The following AHRR variants were observed in gnomAD, a reference collection of about 807,000 sequenced individuals.
AHRR encodes the protein ahR repressor.
AHRR carries 28 observed loss-of-function variants against 44.0 expected under a neutral mutation model. The observed-to-expected ratio is 0.64, with a 90% CI of 0.47 to 0.87. The LOEUF (loss-of-function observed/expected upper bound fraction) is 0.87. Ranked by LOEUF, AHRR falls within the 40% of genes least tolerant of loss-of-function variation. The pLI is 0.00. For synonymous variants in AHRR, 434 were observed against 407.0 expected (o/e 1.07, Z -0.80); for missense variants, 990 against 953.9 (o/e 1.04, Z -0.50).
intron 5 of AHRR, among the ~76,000 whole-genome samples, chr5:415,860 C>A (rs1300363048): frequency 1.3e-5 from 2 of 152,210 alleles, no homozygotes; most frequent in Admixed American, 1.3e-4. Flanking sequence ...TCCATAAGAG[C>A]TGGGCTTTTG....
chr5:407,290 G>A lies in AHRR; in HGVS notation c.352-6054G>A, dbSNP rs573909478. On this transcript the variant is annotated intron_variant, in intron 4 of 10. Transcript: ENST00000684583. The stretch of plus-strand genomic sequence containing the variant: ...AGGCATCTTTAGGATGTTGACTCAT[G>A]CAAGACTGAGGTGTGTCTTCCTATT... Among the ~76,000 whole-genome samples, 3 of 152,318 alleles carry A rather than the reference G, an allele frequency of 2.0e-5. 1 individual carries two copies. Among genetic ancestry groups the A allele is most frequent in the African/African-American group, 7.2e-5 (3 of 41,574 alleles).
intron 4 of AHRR, among the ~76,000 whole-genome samples, chr5:381,506 CTTTTTTTTTTT>C (rs781159124): frequency 3.5e-3 from 164 of 46,908 alleles, no homozygotes; most frequent in Admixed American, 0.011. Flanking sequence ...CTTAGGTTTG[CTTTTTTTTTTT>C]TTTTTTTTTT....
Position 427,779 on chromosome 5 carries a change from G to A in AHRR, c.709-28G>A, listed in dbSNP as rs377503046. 1.7e-4 allele frequency: 277 copies of A among 1,612,508 alleles called. 1 individual carries two copies. In the African/African-American group the frequency reaches 2.8e-3, roughly 16 times the overall value. On this transcript the variant is annotated intron_variant, in intron 7 of 10. Transcript: ENST00000684583. ...CCTTGCCAGGCCACTTGGTGAACAC[G>A]CCTTCCTCTCTGTCTTTAAAACACC...
At chr5:400,317 G>A (rs576019481) in intron 4 of AHRR, among the ~76,000 whole-genome samples, 1 of 152,314 alleles carries the variant, frequency 6.6e-6, no homozygotes, top group African/African-American at 2.4e-5. Flanking sequence ...GGCTTTCTCA[G>A]AACGTTTGCC....
At position 388,547 on chromosome 5, in the gene AHRR, T is replaced by C. The variant is rs1296132278; in HGVS notation, c.351+11831T>C. 6.6e-6 allele frequency among the ~76,000 whole-genome samples: 1 copy of C among 152,170 alleles called. No homozygotes were observed. Among genetic ancestry groups the C allele is most frequent in the Non-Finnish European group, 1.5e-5 (1 of 68,020 alleles). ...GGGGTTTGGACACCCGGCAGGTCTC[T>C]TCCAAACCAGGGCGTCTGCGGTGGC... On this transcript the variant is annotated intron_variant, in intron 4 of 10. Coordinates refer to ENST00000684583, the MANE Select transcript of AHRR (RefSeq NM_001377236.1). The surrounding 1 kb of genome is among the most constrained non-coding windows in gnomAD (Gnocchi z 5.2).
chr5:376,534 C>A (rs1733675151), intron 3 of AHRR, 76 bp from the exon 4 acceptor site: 12 of 1,464,502 alleles, frequency 8.2e-6, no homozygotes, highest in South Asian at 1.4e-5. Flanking sequence ...CGGGGAAACA[C>A]AGGAAAGATG....
Position 406,678 on chromosome 5 carries a change from G to A in AHRR, c.352-6666G>A, listed in dbSNP as rs932521555. Among the ~76,000 whole-genome samples the A allele has an allele frequency of 2.6e-5, 4 of 152,178 alleles. No homozygotes were observed. Among genetic ancestry groups the A allele is most frequent in the African/African-American group, 9.7e-5 (4 of 41,442 alleles). On this transcript the variant is annotated intron_variant, in intron 4 of 10. Coordinates refer to ENST00000684583, the MANE Select transcript of AHRR (RefSeq NM_001377236.1). The surrounding 1 kb of genome is among the most constrained non-coding windows in gnomAD (Gnocchi z 4.7). ...GATGCAGGCAGCTCAAAGGAGAAACGCAGCCCCTTCTCCCCTGTGAAACTG... is the reference window on the plus strand; with the variant it reads ...GATGCAGGCAGCTCAAAGGAGAAACACAGCCCCTTCTCCCCTGTGAAACTG...
In AHRR at chr5:432,511, C is replaced by T. The variant is rs759257059; in HGVS notation, c.957C>T (p.Pro319=). 2 of 1,614,062 alleles carry T rather than the reference C, an allele frequency of 1.2e-6. No individual in the cohort carries two copies. The highest frequency in any genetic ancestry group is 1.7e-6 in the Non-Finnish European group (2 of 1,179,922). ...GCGAATCGGAACTGCATGGAAAACCCAATTACTCAGCAGGTACTTAGAACA... is the reference window on the plus strand; with the variant it reads ...GCGAATCGGAACTGCATGGAAAACCTAATTACTCAGCAGGTACTTAGAACA... ...SLCESELHGK[P]NYSAGRSSRE... is the part of the protein sequence containing the mutation. The change falls in exon 9 of 11, where the codon CCC becomes CCT. Residue 319 remains proline (P), a synonymous_variant. Transcript: ENST00000684583.
chr5:414,568 G>A (rs1239628384), intron 5 of AHRR, among the ~76,000 whole-genome samples: 5 of 152,126 alleles, frequency 3.3e-5, no homozygotes, highest in African/African-American at 1.2e-4. Context: ...ATAAACCCAA[G>A]GAAGCCATAG....
rs371536063 is a variant in AHRR, at chr5:343,348, G to A, written c.-10-545G>A. 7.6e-5 allele frequency among the ~76,000 whole-genome samples: 10 copies of A among 131,914 alleles called. 1 individual carries two copies. The East Asian group carries it at 8.1e-4, about 11-fold the overall frequency. 86.5% of individuals were successfully genotyped at this position (131,914 alleles called of 152,430 possible). A position where few individuals can be genotyped will look rare whatever the true frequency, so the allele number is the denominator to read the frequency against. On this transcript the variant is annotated intron_variant, in intron 1 of 10. Transcript: ENST00000684583. Reference sequence around the variant, plus strand: ...GGGTGACAGGAACGTGGGACCCCACGTACCTTCTCGGGGTGATGGGAACAC... The same window carrying A: ...GGGTGACAGGAACGTGGGACCCCACATACCTTCTCGGGGTGATGGGAACAC...
chr5:366,321 AGG>A (rs1369834336), intron 3 of AHRR, among the ~76,000 whole-genome samples: 3 of 152,170 alleles, frequency 2.0e-5, no homozygotes, highest in Non-Finnish European at 4.4e-5. Context: ...GCCGTCTTGA[AGG>A]GGCTCCCGCT....
At chr5:343,037 A>T (rs1365726013) in intron 1 of AHRR, among the ~76,000 whole-genome samples, 1 of 152,220 alleles carries the variant, frequency 6.6e-6, no homozygotes, top group African/African-American at 2.4e-5. Context: ...CCAAAGCACA[A>T]GGCTATCAAG....
At chr5:376,126 C>G (rs896814064) in intron 3 of AHRR, among the ~76,000 whole-genome samples, 3 of 108,268 alleles carry the variant, frequency 2.8e-5, no homozygotes, top group African/African-American at 1.8e-4. Flanking sequence ...GCACAGAAGA[C>G]CCAGGTGGAC....
chr5:337,854 A>G lies in AHRR; in HGVS notation c.-10-6039A>G, dbSNP rs932372290. ...TGCCCTGTCTATGGCAGTGGTGAGC[A>G]GGAACACGAAAAAATAGGAAGCACT... is the stretch of plus-strand genomic sequence containing the variant. On this transcript the variant is annotated intron_variant, in intron 1 of 10. Coordinates refer to ENST00000684583, the MANE Select transcript of AHRR (RefSeq NM_001377236.1). This position sits in a 1 kb window ranked among gnomAD's most constrained non-coding sequence, Gnocchi z 4.1. Among the ~76,000 whole-genome samples, 2 of 152,214 alleles carry G rather than the reference A, an allele frequency of 1.3e-5. No homozygotes were observed. Among genetic ancestry groups the G allele is most frequent in the Non-Finnish European group, 2.9e-5 (2 of 68,032 alleles).
intron 2 of AHRR, among the ~76,000 whole-genome samples, chr5:351,235 G>A (rs555994790): frequency 6.6e-6 from 1 of 152,224 alleles, no homozygotes; most frequent in Non-Finnish European, 1.5e-5. Context: ...ATATGACCCA[G>A]CAACTCTACT....
chr5:331,970 A>G (rs1560877921), intron 1 of AHRR, among the ~76,000 whole-genome samples: 1 of 152,126 alleles, frequency 6.6e-6, no homozygotes, highest in African/African-American at 2.4e-5. Context: ...CCCTCTTAGC[A>G]CTGCTTTTGC....
At chr5:348,097 C>T (rs772293457) in intron 2 of AHRR, among the ~76,000 whole-genome samples, 3 of 152,242 alleles carry the variant, frequency 2.0e-5, no homozygotes, top group Non-Finnish European at 2.9e-5. Flanking sequence ...TGGGGGAAGC[C>T]GGGCGGCCGG....
At chr5:415,728 G>T (rs1178900744) in intron 5 of AHRR, among the ~76,000 whole-genome samples, 1 of 152,178 alleles carries the variant, frequency 6.6e-6, no homozygotes, top group African/African-American at 2.4e-5. Flanking sequence ...GGAGGCCTAG[G>T]GGCTGTGCAG....
At chr5:396,949 G>C (rs1734732674) in intron 4 of AHRR, among the ~76,000 whole-genome samples, 1 of 152,060 alleles carries the variant, frequency 6.6e-6, no homozygotes, top group Non-Finnish European at 1.5e-5. Context: ...GTGACTTTTA[G>C]ATCTCCAGGA....
Sources: gnomAD v4.1 joint callset for allele counts (sites outside exome capture counted in the v4.1 genomes callset) on GRCh38, gnomAD v4.1.1 for gene constraint, Gnocchi (gnomAD v3.1) non-coding constraint, MANE v1.5 for transcripts, NCBI Gene and HGNC (gene_info 2026-07-23, HGNC 2026-07-21) for gene names.